SGSM2: variants seen among roughly 807,000 people sequenced by gnomAD.
SGSM2 encodes the protein RUN and TBC1 domain containing 1.
A neutral mutation model predicts 126.6 loss-of-function variants in SGSM2; 89 were observed. The observed-to-expected ratio is 0.70, with a 90% CI of 0.59 to 0.84. The LOEUF (loss-of-function observed/expected upper bound fraction) is 0.84. Among genes scored for constraint, SGSM2 ranks in the 40% least tolerant of loss-of-function variants. SGSM2 has a pLI of 0.00. For synonymous variants in SGSM2, 614 were observed against 574.3 expected (o/e 1.07, Z -0.99); for missense variants, 1,404 against 1,416.6 (o/e 0.99, Z 0.14).
chr17:2,350,602 A>G (rs1324422934), intron 2 of SGSM2, among the ~76,000 whole-genome samples: 1 of 151,946 alleles, frequency 6.6e-6, no homozygotes, highest in Non-Finnish European at 1.5e-5. Context: ...TGGGCGACAG[A>G]GTGAGACTCT....
Position 2,372,608 on chromosome 17 carries a change from G to A in SGSM2, c.1788+120G>A, listed in dbSNP as rs557973691. The stretch of plus-strand genomic sequence containing the variant: ...CAGGCCAGGGCCGATGCCACGGAGT[G>A]ACCAGGGTCCCGGCAGAATCTCTTG... On this transcript the variant is annotated intron_variant, in intron 15 of 23. Transcript: ENST00000268989. This position sits in a 1 kb window ranked among gnomAD's most constrained non-coding sequence, Gnocchi z 6.0. 29 of 1,366,654 alleles carry A rather than the reference G, an allele frequency of 2.1e-5. No homozygotes were observed. The African/African-American group carries it at 4.0e-4, about 19-fold the overall frequency. The allele number at this position is 1,366,654 out of a possible 1,614,324, so 84.7% of individuals were successfully genotyped here.
At chr17:2,347,253 C>G (rs948332745) in intron 2 of SGSM2, among the ~76,000 whole-genome samples, 5 of 151,968 alleles carry the variant, frequency 3.3e-5, no homozygotes, top group Non-Finnish European at 7.4e-5. Flanking sequence ...TTACAGGTGC[C>G]TGCCACCACA....
rs377663408 is a variant in SGSM2 at position 2,371,264 on chromosome 17, G to A, written c.1426G>A (p.Ala476Thr). Reference protein sequence around the residue: ...NLTAPNPMKDAGDMIEMQGFG... With the variant: ...NLTAPNPMKDTGDMIEMQGFG... ...CATGCCACCCTTCCTGCCCGCAGAC[G>A]CTGGTGACATGATCGAGATGCAGGG... is the stretch of plus-strand genomic sequence containing the variant. Residue 476 changes from alanine (A) to threonine (T), a missense_variant and splice_region_variant, in exon 13 of 24, where the codon GCT becomes ACT. By Grantham distance (58) the Ala-to-Thr change is moderately conservative. Coordinates refer to ENST00000268989, the MANE Select transcript of SGSM2 (RefSeq NM_014853.3). 2.4e-5 allele frequency: 39 copies of A among 1,610,924 alleles called. No homozygotes were observed. The highest frequency in any genetic ancestry group is 8.3e-5 in the Admixed American group (5 of 59,920).
At chr17:2,344,156 A>G (rs1043714543) in intron 2 of SGSM2, among the ~76,000 whole-genome samples, 34 of 152,184 alleles carry the variant, frequency 2.2e-4, no homozygotes, top group Non-Finnish European at 7.3e-5. Flanking sequence ...AGAGGTGGCT[A>G]AGGCTTCCAG....
In SGSM2 at chr17:2,367,154, G is replaced by A. The variant is rs1393103025; in HGVS notation, c.1289-117G>A. 2.5e-6 allele frequency: 3 copies of A among 1,201,650 alleles called. No homozygotes were observed. Among genetic ancestry groups the A allele is most frequent in the Non-Finnish European group, 3.4e-6 (3 of 875,392 alleles). 74.4% of individuals were successfully genotyped at this position (1,201,650 alleles called of 1,614,324 possible). On this transcript the variant is annotated intron_variant, in intron 11 of 23. Coordinates refer to ENST00000268989, the MANE Select transcript of SGSM2 (RefSeq NM_014853.3). The surrounding 1 kb of genome is among the most constrained non-coding windows in gnomAD (Gnocchi z 4.0). ...CTGGTCCCCTCCCTTCCCCTCTTCT[G>A]TGCCCTGCAGATTCACGATGACCCC...
chr17:2,373,278 G>A (rs1475123253), intron 16 of SGSM2, 53 bp from the exon 17 acceptor site: 2 of 1,583,262 alleles, frequency 1.3e-6, no homozygotes, highest in East Asian at 2.3e-5. Context: ...AGCTCCTGAA[G>A]GGGAGGGCCT....
intron 2 of SGSM2, among the ~76,000 whole-genome samples, chr17:2,349,032 G>A (rs1469376850): frequency 2.6e-5 from 4 of 151,718 alleles, no homozygotes; most frequent in Admixed American, 1.3e-4. Flanking sequence ...CCAAAGTGCT[G>A]GGATTACAGG....
rs1597404878 is a variant in SGSM2, at chr17:2,379,829, T to C, written c.*309T>C. On this transcript the variant is annotated 3_prime_UTR_variant, in exon 24 of 24. Transcript: ENST00000268989. Reference sequence around the variant, plus strand: ...CCCACTGCCACCTGCAGCCGCAGCCTGGACTGCTGCCCACGAGTGAACCTG... The same window carrying C: ...CCCACTGCCACCTGCAGCCGCAGCCCGGACTGCTGCCCACGAGTGAACCTG... 1.5e-6 allele frequency: 2 copies of C among 1,321,162 alleles called. No homozygotes were observed. The highest frequency in any genetic ancestry group is 2.9e-5 in the African/African-American group (2 of 68,168). The allele number at this position is 1,321,162 out of a possible 1,614,324, so 81.8% of individuals were successfully genotyped here. A position where few individuals can be genotyped will look rare whatever the true frequency, so the allele number is the denominator to read the frequency against.
At chr17:2,373,199 G>T in intron 16 of SGSM2, 118 bp downstream of exon 16, 1 of 1,544,862 alleles carries the variant, frequency 6.5e-7, no homozygotes. Context: ...TGGCAGGGCA[G>T]CTCCACCGTC....
chr17:2,366,653 C>A (rs2065601335), intron 11 of SGSM2: 1 of 152,328 alleles, frequency 6.6e-6, no homozygotes, highest in Non-Finnish European at 1.5e-5. Context: ...TTAGCTTCTC[C>A]AGTCTCTGCC....
chr17:2,340,819 C>A (rs1032999036), intron 1 of SGSM2, among the ~76,000 whole-genome samples: 2 of 152,200 alleles, frequency 1.3e-5, no homozygotes, highest in South Asian at 4.1e-4. Context: ...CTCCTGACCT[C>A]GTGATCCGCC....
chr17:2,363,702 A>C lies in SGSM2; in HGVS notation c.807+103A>C. Reference sequence around the variant, plus strand: ...CCTTTCCTGAGGAGCTTGACCAGAGACGGGGGGGAGAATGGCCCCAGCCTC... The same window carrying C: ...CCTTTCCTGAGGAGCTTGACCAGAGCCGGGGGGGAGAATGGCCCCAGCCTC... On this transcript the variant is annotated intron_variant, in intron 7 of 23. Coordinates refer to ENST00000268989, the MANE Select transcript of SGSM2 (RefSeq NM_014853.3). This position sits in a 1 kb window ranked among gnomAD's most constrained non-coding sequence, Gnocchi z 4.2. The C allele has an allele frequency of 2.0e-6, 3 of 1,483,808 alleles. No individual in the cohort carries two copies. Among genetic ancestry groups the C allele is most frequent in the East Asian group, 4.7e-5 (2 of 42,390 alleles). The allele number at this position is 1,483,808 out of a possible 1,614,324, so 91.9% of individuals were successfully genotyped here. A position where few individuals can be genotyped will look rare whatever the true frequency, so the allele number is the denominator to read the frequency against.
chr17:2,354,412 G>T (rs1291306249), intron 2 of SGSM2, among the ~76,000 whole-genome samples: 1 of 152,134 alleles, frequency 6.6e-6, no homozygotes, highest in Non-Finnish European at 1.5e-5. Context: ...GTAATTAAAA[G>T]GTGTCATGCA....
At chr17:2,369,948 A>G (rs2065785867) in intron 12 of SGSM2, among the ~76,000 whole-genome samples, 1 of 152,142 alleles carries the variant, frequency 6.6e-6, no homozygotes, top group Admixed American at 6.5e-5. Flanking sequence ...GTGGAGCTGA[A>G]GGGCCAGATA....
intron 2 of SGSM2, among the ~76,000 whole-genome samples, chr17:2,351,968 G>A (rs373174289): frequency 1.3e-5 from 2 of 152,068 alleles, no homozygotes; most frequent in Admixed American, 6.6e-5. Context: ...CCGCAGAAAC[G>A]CTCATCTGAG....
In SGSM2 at chr17:2,375,671, G is replaced by A. The variant is rs763091022; in HGVS notation, c.2280G>A (p.Val760=). 6.2e-7 allele frequency: 1 copy of A among 1,613,974 alleles called. No homozygotes were observed. The highest frequency in any genetic ancestry group is 8.5e-7 in the Non-Finnish European group (1 of 1,179,974). Residue 760 remains valine, a synonymous_variant, in exon 18 of 24, where the codon GTG becomes GTA. Transcript: ENST00000268989. ...SGLPSSRNYS[V]ASGIQSSLDE... ...TGCCCTCCTCTCGCAATTACTCCGT[G>A]GCCTCGGGCATCCAGTCAAGCCTAG...
rs2066349613 is a variant in SGSM2 at position 2,380,119 on chromosome 17, C to G, written c.*599C>G. The G allele has an allele frequency of 5.7e-6, 8 of 1,405,328 alleles. No homozygotes were observed. The highest frequency in any genetic ancestry group is 4.7e-5 in the South Asian group (3 of 63,476). The allele number at this position is 1,405,328 out of a possible 1,614,324, so 87.1% of individuals were successfully genotyped here. A position where few individuals can be genotyped will look rare whatever the true frequency, so the allele number is the denominator to read the frequency against. ...CTGGGGCAGTCGGAAGATGTGGGCC[C>G]TGGGTGGGAGCAGCCCACTTCAGCA... On this transcript the variant is annotated 3_prime_UTR_variant, in exon 24 of 24. Coordinates refer to ENST00000268989, the MANE Select transcript of SGSM2 (RefSeq NM_014853.3).
chr17:2,350,009 A>C (rs908616129), intron 2 of SGSM2, among the ~76,000 whole-genome samples: 5 of 151,792 alleles, frequency 3.3e-5, no homozygotes, highest in Non-Finnish European at 5.9e-5. Context: ...GGATGGTCTC[A>C]ATCTCCTGAC....
intron 12 of SGSM2, among the ~76,000 whole-genome samples, chr17:2,368,161 G>A (rs757235987): frequency 5.3e-5 from 8 of 152,128 alleles, no homozygotes; most frequent in Non-Finnish European, 8.8e-5. Flanking sequence ...ATGAGTCTCA[G>A]GGTCCACGAA....
Sources: allele counts gnomAD v4.1 joint callset (sites outside exome capture counted in the v4.1 genomes callset), GRCh38; gene constraint gnomAD v4.1.1; non-coding constraint Gnocchi (gnomAD v3.1); transcripts MANE v1.5; gene names NCBI Gene and HGNC (gene_info 2026-07-23, HGNC 2026-07-21).